Variants in ERICH1 observed in about 807,000 individuals in gnomAD.
ERICH1 encodes glutamate rich 1.
Under a neutral mutation model 39.6 loss-of-function variants are expected in ERICH1, and 56 were observed. That is an observed-to-expected ratio of 1.41 (90% CI 1.14 to 1.77). ERICH1 has a LOEUF of 1.77. Ranked by LOEUF, ERICH1 falls within the 40% of genes most tolerant of loss-of-function variation. ERICH1 has a pLI of 0.00. For synonymous variants in ERICH1, 313 were observed against 223.6 expected, an observed-to-expected ratio of 1.40 and a Z score of -3.57; for missense variants, 826 against 575.4, an observed-to-expected ratio of 1.44 and a Z score of -4.45.
intron 2 of ERICH1, among the ~76,000 whole-genome samples, chr8:701,728 A>T (rs1402209054): frequency 6.6e-6 from 1 of 152,218 alleles, no homozygotes; most frequent in Non-Finnish European, 1.5e-5. Context: ...CAAAACACAA[A>T]AACTATGAAA....
intron 2 of ERICH1, among the ~76,000 whole-genome samples, chr8:693,126 G>C (rs1158753316): frequency 1.3e-5 from 2 of 151,218 alleles, no homozygotes; most frequent in African/African-American, 4.9e-5. Flanking sequence ...AACACACAGA[G>C]ACACACACAG....
At chr8:724,931 T>C (rs569114558) in intron 1 of ERICH1, among the ~76,000 whole-genome samples, 159 of 152,250 alleles carry the variant, frequency 1.0e-3, no homozygotes, top group Non-Finnish European at 1.8e-3. Flanking sequence ...TGCCCCATTG[T>C]GGCCTCCTGG....
At chr8:695,105 A>C (rs915542086) in intron 2 of ERICH1, among the ~76,000 whole-genome samples, 7 of 142,092 alleles carry the variant, frequency 4.9e-5, no homozygotes, top group African/African-American at 7.6e-5. Context: ...CGCAGGTGTC[A>C]TTGACCTGGC....
At chr8:641,715 A>ACCCCTC (rs1193293303) in intron 3 of ERICH1, among the ~76,000 whole-genome samples, 21 of 150,152 alleles carry the variant, frequency 1.4e-4, no homozygotes, top group African/African-American at 4.4e-4. Context: ...CTCCCGGAGG[A>ACCCCTC]CCCCTCCCCC....
chr8:637,858 G>A (rs1386274923), intron 3 of ERICH1, among the ~76,000 whole-genome samples: 1 of 152,192 alleles, frequency 6.6e-6, no homozygotes, highest in Non-Finnish European at 1.5e-5. Flanking sequence ...GAGCACAGCA[G>A]CCAGGGTCCT....
intron 3 of ERICH1, among the ~76,000 whole-genome samples, chr8:654,566 A>G (rs1242746934): frequency 6.6e-6 from 1 of 152,224 alleles, no homozygotes; most frequent in Non-Finnish European, 1.5e-5. Context: ...CATTGACTAC[A>G]GTTTTAAATA....
chr8:640,019 G>C (rs766975272), intron 3 of ERICH1, among the ~76,000 whole-genome samples: 1 of 152,218 alleles, frequency 6.6e-6, no homozygotes, highest in Non-Finnish European at 1.5e-5. Flanking sequence ...GTGTGCCCGT[G>C]ACATGTCCCA....
chr8:714,802 G>A (rs1268565828), intron 2 of ERICH1, among the ~76,000 whole-genome samples: 1 of 151,618 alleles, frequency 6.6e-6, no homozygotes, highest in Non-Finnish European at 1.5e-5. Context: ...TCGGTGGGAT[G>A]TGCTGCACCC....
chr8:690,022 GGTT>G (rs937555725), intron 3 of ERICH1, among the ~76,000 whole-genome samples: 6 of 152,292 alleles, frequency 3.9e-5, no homozygotes, highest in African/African-American at 1.4e-4. Context: ...ATCTATAGTG[GGTT>G]GTTCTGTCAC....
chr8:638,400 C>T (rs968498835), intron 3 of ERICH1, among the ~76,000 whole-genome samples: 1 of 152,174 alleles, frequency 6.6e-6, no homozygotes, highest in African/African-American at 2.4e-5. Context: ...TGAGATACAG[C>T]TTCCGTTACA....
chr8:713,326 C>G (rs1359058895), intron 2 of ERICH1, among the ~76,000 whole-genome samples: 1 of 152,236 alleles, frequency 6.6e-6, no homozygotes, highest in African/African-American at 2.4e-5. Context: ...TAAGTATATT[C>G]TTTAAATGGC....
At chr8:707,648 A>C (rs1813617096) in intron 2 of ERICH1, among the ~76,000 whole-genome samples, 1 of 152,166 alleles carries the variant, frequency 6.6e-6, no homozygotes, top group Non-Finnish European at 1.5e-5. Flanking sequence ...ATCAGCTGAA[A>C]ACGGATCAAG....
intron 3 of ERICH1, among the ~76,000 whole-genome samples, chr8:641,671 G>A (rs1282365381): frequency 6.6e-6 from 1 of 152,246 alleles, no homozygotes; most frequent in African/African-American, 2.4e-5. Context: ...GAACGCAGCG[G>A]CCGTCACGCC....
At position 673,426 on chromosome 8, in the gene ERICH1, G is replaced by T; in HGVS notation, c.926C>A (p.Ala309Asp). Reference sequence around the variant, plus strand: ...GGAGTCTGCACCCTCTTCCTCCCCAGCCCATGTCGGGTCTTCCTCGCTGGC... The same window carrying T: ...GGAGTCTGCACCCTCTTCCTCCCCATCCCATGTCGGGTCTTCCTCGCTGGC... ...ADASEEDPTWAGEEEGADSGE... is the reference protein window; with the variant it reads ...ADASEEDPTWDGEEEGADSGE... Residue 309 changes from alanine to aspartate, a missense_variant, in exon 4 of 6, where the codon GCT becomes GAT. By Grantham distance (126) the Ala-to-Asp change is moderately radical. Transcript: ENST00000262109. 6.2e-7 allele frequency: 1 copy of T among 1,613,934 alleles called. No homozygotes were observed. The highest frequency in any genetic ancestry group is 8.5e-7 in the Non-Finnish European group (1 of 1,179,962).
chr8:652,721 C>A (rs1800130956), intron 3 of ERICH1, among the ~76,000 whole-genome samples: 1 of 152,138 alleles, frequency 6.6e-6, no homozygotes, highest in Non-Finnish European at 1.5e-5. Flanking sequence ...ACCAGGGGCA[C>A]ACAGCTCATC....
intron 2 of ERICH1, among the ~76,000 whole-genome samples, chr8:693,479 G>C (rs550233613): frequency 6.6e-6 from 1 of 152,248 alleles, no homozygotes; most frequent in African/African-American, 2.4e-5. Flanking sequence ...GCCATGTGGA[G>C]CTGACCAGAG....
chr8:625,437 C>T (rs972668176), intron 3 of ERICH1, among the ~76,000 whole-genome samples: 1 of 152,062 alleles, frequency 6.6e-6, no homozygotes, highest in African/African-American at 2.4e-5. Context: ...TCTACAGAGA[C>T]AGGAAGAAGA....
intron 3 of ERICH1, among the ~76,000 whole-genome samples, chr8:649,845 G>C (rs1003441728): frequency 6.6e-6 from 1 of 152,230 alleles, no homozygotes; most frequent in Non-Finnish European, 1.5e-5. Flanking sequence ...GCTCCAGCAA[G>C]AGCTTTCCAG....
chr8:708,507 G>T (rs1207895107), intron 2 of ERICH1, among the ~76,000 whole-genome samples: 4 of 152,034 alleles, frequency 2.6e-5, no homozygotes, highest in Non-Finnish European at 5.9e-5. Flanking sequence ...CAACATGAAT[G>T]AACCTTTAAA....
Sources: gnomAD v4.1 joint callset for allele counts (sites outside exome capture counted in the v4.1 genomes callset) on GRCh38, gnomAD v4.1.1 for gene constraint, MANE v1.5 for transcripts, NCBI Gene and HGNC (gene_info 2026-07-23, HGNC 2026-07-21) for gene names.